The following PSMG2 variants were observed in gnomAD, a reference collection of about 807,000 sequenced individuals.
The protein encoded by PSMG2 is CD40 ligand-activated specific transcript 3.
A neutral mutation model predicts 31.5 loss-of-function variants in PSMG2; 21 were observed. The ratio of observed to expected loss-of-function variants is 0.67; its 90% CI spans 0.47 to 0.96. The LOEUF (loss-of-function observed/expected upper bound fraction) is 0.96, where lower values mean the gene tolerates loss of function less well. Ranked by LOEUF, PSMG2 falls within the 40% of genes least tolerant of loss-of-function variation. The pLI, the probability that PSMG2 is intolerant of heterozygous loss-of-function variation, is 0.00. For synonymous variants in PSMG2, 120 were observed against 110.4 expected (o/e 1.09, Z -0.54); for missense variants, 318 against 321.2 (o/e 0.99, Z 0.08).
At chr18:12,678,261 T>C (rs771214847) in intron 1 of PSMG2, 1 of 1,614,174 alleles carries the variant, frequency 6.2e-7, no homozygotes, top group South Asian at 1.1e-5. Flanking sequence ...TCCTCACTCA[T>C]GGGTTTCCAT....
upstream of PSMG2, chr18:12,702,992 A>G (rs2040209031): frequency 8.5e-7 from 1 of 1,182,760 alleles, no homozygotes; most frequent in Non-Finnish European, 1.2e-6. Flanking sequence ...GCGCCCAGGG[A>G]CTCAAAGGAC....
chr18:12,673,361 G>A (rs2038997669), intron 1 of PSMG2: 1 of 1,597,800 alleles, frequency 6.3e-7, no homozygotes, highest in South Asian at 1.1e-5. Flanking sequence ...TATAAATATT[G>A]GCCCTATAAT....
rs3809918 is a variant in PSMG2, at chr18:12,703,155, C to T, written c.48C>T (p.Thr16=). ...GESAPDLAGF[T]LLMPAVSVGN... ...CGGCCCCCGACCTTGCCGGCTTCAC[C>T]CTCCTAATGGTGAGTCTCCATTTGC... The change falls in exon 1 of 7, where the codon ACC becomes ACT. Residue 16 remains threonine (T), a synonymous_variant. Transcript: ENST00000317615. 402 of 1,611,152 alleles carry T rather than the reference C, an allele frequency of 2.5e-4. 4 individuals are homozygous for T. The East Asian group carries it at 8.0e-3, about 32-fold the overall frequency.
chr18:12,688,958 CA>C (rs1164607150), intron 1 of PSMG2, among the ~76,000 whole-genome samples: 1 of 151,902 alleles, frequency 6.6e-6, no homozygotes, highest in Non-Finnish European at 1.5e-5. Context: ...ACTAAAAACA[CA>C]AAAAATTAGC....
intron 1 of PSMG2, among the ~76,000 whole-genome samples, chr18:12,688,871 T>C (rs1239642123): frequency 6.6e-6 from 1 of 152,110 alleles, no homozygotes; most frequent in South Asian, 2.1e-4. Flanking sequence ...TCCCAGCACT[T>C]TGGGAGGCCG....
upstream of PSMG2, chr18:12,699,683 A>G (rs1226745402): frequency 3.8e-6 from 2 of 532,464 alleles, no homozygotes; most frequent in Non-Finnish European, 6.6e-6. Flanking sequence ...TACTTCATGC[A>G]AAACAATCTG....
intron 1 of PSMG2, among the ~76,000 whole-genome samples, chr18:12,660,888 A>ATTT (rs2038683474): frequency 6.6e-6 from 1 of 152,266 alleles, no homozygotes; most frequent in Non-Finnish European, 1.5e-5. Flanking sequence ...TCTACACAAA[A>ATTT]TAAAGGAAAA....
chr18:12,670,069 C>G (rs1040184542), intron 1 of PSMG2, among the ~76,000 whole-genome samples: 3 of 151,828 alleles, frequency 2.0e-5, no homozygotes, highest in Admixed American at 6.6e-5. Context: ...ATGGTCCATG[C>G]CTGTAATCCC....
At chr18:12,690,462 G>GTTT (rs35616464) in intron 1 of PSMG2, among the ~76,000 whole-genome samples, 15 of 146,792 alleles carry the variant, frequency 1.0e-4, no homozygotes, top group Non-Finnish European at 1.7e-4. Flanking sequence ...ATTTTTTGTT[G>GTTT]TTTTTTTTTT....
At chr18:12,703,006 C>T (rs965313389), upstream of PSMG2, 15 of 1,371,404 alleles carry the variant, frequency 1.1e-5, no homozygotes, top group South Asian at 8.0e-5. Flanking sequence ...AAAGGACCCT[C>T]CCGCGCCCCG....
intron 4 of PSMG2, among the ~76,000 whole-genome samples, 181 bp downstream of exon 4, chr18:12,718,816 T>C (rs2249830): frequency 0.14 from 21,569 of 152,074 alleles, 1,784 homozygotes; most frequent in Admixed American, 0.25. Context: ...ATCTTTTCAG[T>C]TCCTGTGAGC....
At chr18:12,718,012 C>CTT (rs71174131) in intron 3 of PSMG2, among the ~76,000 whole-genome samples, 5 of 136,458 alleles carry the variant, frequency 3.7e-5, no homozygotes, top group African/African-American at 8.0e-5. Context: ...TTTCTTTTTT[C>CTT]TTTTTTTTTT....
At chr18:12,692,394 C>G (rs569194512) in intron 1 of PSMG2, 2 of 152,322 alleles carry the variant, frequency 1.3e-5, no homozygotes, top group Admixed American at 6.6e-5. Context: ...CTGCCCTGGC[C>G]TATGAACTCT....
chr18:12,697,468 A>T, intron 1 of PSMG2: 1 of 1,117,396 alleles, frequency 8.9e-7, no homozygotes, highest in East Asian at 2.5e-5. Context: ...GCCAACATAA[A>T]AGAATACTTT....
chr18:12,676,208 CCTTAA>C (rs1462723031), intron 1 of PSMG2, among the ~76,000 whole-genome samples: 1 of 151,756 alleles, frequency 6.6e-6, no homozygotes, highest in Non-Finnish European at 1.5e-5. Flanking sequence ...TTTACAGGCA[CCTTAA>C]CTTAAATAGT....
chr18:12,700,983 A>T, upstream of PSMG2: 1 of 1,613,244 alleles, frequency 6.2e-7, no homozygotes, highest in Non-Finnish European at 8.5e-7. Flanking sequence ...TTCTTTCATC[A>T]CATCGTCAAT....
At chr18:12,672,008 CAG>C (rs1283001501) in intron 1 of PSMG2, among the ~76,000 whole-genome samples, 2 of 151,258 alleles carry the variant, frequency 1.3e-5, no homozygotes, top group Admixed American at 6.6e-5. Context: ...TTAGTAGAGA[CAG>C]GGTTTCACTG....
At chr18:12,703,666 C>T (rs1466441979) in intron 1 of PSMG2, among the ~76,000 whole-genome samples, 5 of 151,914 alleles carry the variant, frequency 3.3e-5, no homozygotes, top group African/African-American at 9.7e-5. Flanking sequence ...AGGTGCGTGC[C>T]CTCAAAGAAT....
At chr18:12,690,230 T>A (rs894767170) in intron 1 of PSMG2, among the ~76,000 whole-genome samples, 10 of 152,156 alleles carry the variant, frequency 6.6e-5, no homozygotes, top group African/African-American at 2.4e-4. Context: ...CTAGTCAACC[T>A]CTCATTCCCA....
Sources: allele counts gnomAD v4.1 joint callset (sites outside exome capture counted in the v4.1 genomes callset), GRCh38; gene constraint gnomAD v4.1.1; transcripts MANE v1.5; gene names NCBI Gene and HGNC (gene_info 2026-07-23, HGNC 2026-07-21).